The following ATRNL1 variants were observed in gnomAD, a reference collection of about 807,000 sequenced individuals.
The protein encoded by ATRNL1 is attractin like 1.
Under a neutral mutation model 182.7 loss-of-function variants are expected in ATRNL1, and 95 were observed. That is an observed-to-expected ratio of 0.52 (90% CI 0.44 to 0.62). ATRNL1 has a LOEUF of 0.62. ATRNL1 is among the 20% of genes least tolerant of loss of function. The pLI is 0.00. For missense variants in ATRNL1, 1,471 were observed against 1,679.5 expected (o/e 0.88, Z 2.17); for synonymous variants, 576 against 568.3 (o/e 1.01, Z -0.19).
intron 27 of ATRNL1, among the ~76,000 whole-genome samples, chr10:115,782,746 G>C (rs1375438756): frequency 1.3e-5 from 2 of 152,152 alleles, no homozygotes; most frequent in South Asian, 2.1e-4. Flanking sequence ...AATAGCCCTT[G>C]GCAGTGAAAT....
intron 18 of ATRNL1, among the ~76,000 whole-genome samples, chr10:115,319,312 T>C (rs782264741): frequency 6.6e-6 from 1 of 152,248 alleles, no homozygotes; most frequent in Non-Finnish European, 1.5e-5. Context: ...TCCAATTATG[T>C]GGTCAATTTT....
chr10:115,535,514 T>G (rs1404870077), intron 25 of ATRNL1, among the ~76,000 whole-genome samples: 2 of 151,450 alleles, frequency 1.3e-5, no homozygotes, highest in Non-Finnish European at 2.9e-5. Context: ...TTAGTCTAAA[T>G]TTTTTTCAAA....
At chr10:115,526,455 T>C (rs541662117) in intron 25 of ATRNL1, among the ~76,000 whole-genome samples, 68 of 152,234 alleles carry the variant, frequency 4.5e-4, no homozygotes, top group African/African-American at 1.6e-3. Flanking sequence ...ATCATTCTAC[T>C]CCACTCTCTT....
intron 27 of ATRNL1, among the ~76,000 whole-genome samples, chr10:115,843,692 T>G (rs945104661): frequency 1.3e-5 from 2 of 152,042 alleles, no homozygotes; most frequent in African/African-American, 2.4e-5. Flanking sequence ...TAGATGAGTA[T>G]GTAGGGAATG....
intron 22 of ATRNL1, among the ~76,000 whole-genome samples, chr10:115,464,583 G>T (rs782532301): frequency 3.3e-5 from 5 of 151,774 alleles, no homozygotes; most frequent in African/African-American, 9.7e-5. Flanking sequence ...ATTCAGCATT[G>T]CCTAAACTTG....
At chr10:115,775,176 C>T (rs983610407) in intron 27 of ATRNL1, among the ~76,000 whole-genome samples, 2 of 152,014 alleles carry the variant, frequency 1.3e-5, no homozygotes. Flanking sequence ...AAATGTTTAC[C>T]CCCGAATGAT....
intron 8 of ATRNL1, among the ~76,000 whole-genome samples, chr10:115,205,074 C>T (rs1000659459): frequency 2.0e-5 from 3 of 151,810 alleles, no homozygotes; most frequent in Non-Finnish European, 4.4e-5. Flanking sequence ...TTTGGTGTGA[C>T]GATTTATATA....
intron 27 of ATRNL1, among the ~76,000 whole-genome samples, chr10:115,818,511 A>G (rs569566064): frequency 6.6e-6 from 1 of 152,310 alleles, no homozygotes; most frequent in Non-Finnish European, 1.5e-5. Context: ...ATGTTAGTCT[A>G]GCAATCAGCA....
intron 1 of ATRNL1, among the ~76,000 whole-genome samples, chr10:115,117,082 T>A (rs1844520007): frequency 1.3e-5 from 2 of 151,998 alleles, no homozygotes; most frequent in African/African-American, 4.8e-5. Context: ...TTTTTGTGGG[T>A]ACAGAGTAGG....
intron 1 of ATRNL1, among the ~76,000 whole-genome samples, chr10:115,095,361 T>C (rs1283601619): frequency 1.5e-4 from 7 of 46,256 alleles, no homozygotes; most frequent in Non-Finnish European, 3.6e-4. Flanking sequence ...CATACTTTCC[T>C]TTTTTTTTTT....
At chr10:115,849,745 C>T (rs1555099960) in intron 28 of ATRNL1, among the ~76,000 whole-genome samples, 2 of 152,098 alleles carry the variant, frequency 1.3e-5, no homozygotes, top group Non-Finnish European at 1.5e-5. Flanking sequence ...TGTATATCTA[C>T]ACTCAAGGAA....
At chr10:115,386,033 T>C (rs1038403980) in intron 19 of ATRNL1, among the ~76,000 whole-genome samples, 28 of 152,188 alleles carry the variant, frequency 1.8e-4, no homozygotes, top group African/African-American at 5.5e-4. Context: ...GCTTTTTTTT[T>C]CTTCATGTTT....
intron 27 of ATRNL1, among the ~76,000 whole-genome samples, chr10:115,753,283 G>A (rs1555071099): frequency 2.6e-5 from 4 of 151,916 alleles, no homozygotes; most frequent in African/African-American, 9.7e-5. Context: ...CCATCAACCT[G>A]TCATCTACAT....
chr10:115,817,662 A>G (rs527256487), intron 27 of ATRNL1, among the ~76,000 whole-genome samples: 4 of 152,222 alleles, frequency 2.6e-5, no homozygotes, highest in Admixed American at 1.3e-4. Context: ...TTGTTTCACT[A>G]GTAAAAATAA....
chr10:115,198,674 A>AT (rs1175147383), intron 8 of ATRNL1, among the ~76,000 whole-genome samples: 1 of 151,800 alleles, frequency 6.6e-6, no homozygotes, highest in Non-Finnish European at 1.5e-5. Flanking sequence ...TTTTTAGTTG[A>AT]TTTTTATATA....
At chr10:115,644,772 T>A (rs1476732192) in intron 26 of ATRNL1, among the ~76,000 whole-genome samples, 1 of 152,218 alleles carries the variant, frequency 6.6e-6, no homozygotes, top group African/African-American at 2.4e-5. Flanking sequence ...CTTGGGATTT[T>A]GCAGTAATTA....
chr10:115,384,249 T>C (rs1181110792), intron 19 of ATRNL1, among the ~76,000 whole-genome samples: 2 of 152,012 alleles, frequency 1.3e-5, no homozygotes, highest in Non-Finnish European at 2.9e-5. Flanking sequence ...AAGTAGTAAA[T>C]GCATGTTCTT....
intron 26 of ATRNL1, among the ~76,000 whole-genome samples, chr10:115,648,843 C>A (rs1555033539): frequency 6.6e-6 from 1 of 152,122 alleles, no homozygotes; most frequent in Non-Finnish European, 1.5e-5. Flanking sequence ...ACTGAAGTGG[C>A]AAAATAACCA....
In ATRNL1 at chr10:115,944,946, A is replaced by C; in HGVS notation, c.*167A>C. ...CCCAGGTGGCCAAAGAATGTTCATGAGTTTTATAAAAGTATTGATGGTCAC... is the reference window on the plus strand; with the variant it reads ...CCCAGGTGGCCAAAGAATGTTCATGCGTTTTATAAAAGTATTGATGGTCAC... On this transcript the variant is annotated 3_prime_UTR_variant, in exon 29 of 29. Coordinates refer to ENST00000355044, the MANE Select transcript of ATRNL1 (RefSeq NM_207303.4). The C allele has an allele frequency of 6.9e-6, 5 of 721,404 alleles. No individual in the cohort carries two copies. The highest frequency in any genetic ancestry group is 6.0e-6 in the Non-Finnish European group (3 of 498,840). 44.7% of individuals were successfully genotyped at this position (721,404 alleles called of 1,614,324 possible).
Sources: allele counts gnomAD v4.1 joint callset (sites outside exome capture counted in the v4.1 genomes callset), GRCh38; gene constraint gnomAD v4.1.1; transcripts MANE v1.5; gene names NCBI Gene and HGNC (gene_info 2026-07-23, HGNC 2026-07-21).